GNA14: variants seen among roughly 807,000 people sequenced by gnomAD.
The protein encoded by GNA14 is G protein subunit alpha 14.
Under a neutral mutation model 42.0 loss-of-function variants are expected in GNA14, and 50 were observed. The ratio of observed to expected loss-of-function variants is 1.19; its 90% CI spans 0.95 to 1.51. The LOEUF (loss-of-function observed/expected upper bound fraction) is 1.51, where lower values mean the gene tolerates loss of function less well. GNA14 is among the 40% of genes most tolerant of loss of function. The pLI is 0.00. For synonymous variants in GNA14, 173 were observed against 163.1 expected (o/e 1.06, Z -0.46); for missense variants, 473 against 446.2 (o/e 1.06, Z -0.54).
chr9:77,607,141 G>C (rs900034699), intron 1 of GNA14, among the ~76,000 whole-genome samples: 3 of 152,260 alleles, frequency 2.0e-5, no homozygotes, highest in Non-Finnish European at 2.9e-5. Context: ...CTTCTTATCT[G>C]TAAAATAATG....
At chr9:77,489,188 A>T (rs1012735937) in intron 2 of GNA14, among the ~76,000 whole-genome samples, 3 of 152,142 alleles carry the variant, frequency 2.0e-5, no homozygotes, top group Admixed American at 2.0e-4. Flanking sequence ...GGAAAGAATG[A>T]ATGAGCCCAA....
At chr9:77,535,118 C>T (rs753863488) in intron 1 of GNA14, among the ~76,000 whole-genome samples, 1 of 152,210 alleles carries the variant, frequency 6.6e-6, no homozygotes, top group Non-Finnish European at 1.5e-5. Context: ...GCCCAGAGGA[C>T]GGTGCCAGGC....
In GNA14 at chr9:77,558,229, C is replaced by G. The variant is rs75468398; in HGVS notation, c.125-28976G>C. Among the ~76,000 whole-genome samples the G allele has an allele frequency of 1.2e-4, 19 of 152,060 alleles. No individual in the cohort carries two copies. The East Asian group carries it at 3.3e-3, about 26-fold the overall frequency. ...CTTAACAAAGAAGCATTTGGAGGTG[C>G]CTTGCCATGAAATCTGCACTTTCAC... On this transcript the variant is annotated intron_variant, in intron 1 of 6. Coordinates refer to ENST00000341700, the MANE Select transcript of GNA14 (RefSeq NM_004297.4).
In GNA14 at chr9:77,648,152, G is replaced by T. The variant is rs929908037; in HGVS notation, c.-359C>A. 5.9e-5 allele frequency: 19 copies of T among 323,458 alleles called. No individual in the cohort carries two copies. The highest frequency in any genetic ancestry group is 2.3e-5 in the Non-Finnish European group (4 of 175,318). The allele number at this position is 323,458 out of a possible 1,614,324, so 20.0% of individuals were successfully genotyped here. A position where few individuals can be genotyped will look rare whatever the true frequency, so the allele number is the denominator to read the frequency against. On this transcript the variant is annotated 5_prime_UTR_variant, in exon 1 of 7. Transcript: ENST00000341700. The stretch of plus-strand genomic sequence containing the variant: ...CACAGGAGCCGGACAGCAGTCGGGG[G>T]CGCAGACGAGTTGGAACGTCGGTGC...
intron 2 of GNA14, among the ~76,000 whole-genome samples, chr9:77,527,644 G>C (rs559601359): frequency 6.6e-6 from 1 of 152,048 alleles, no homozygotes; most frequent in Non-Finnish European, 1.5e-5. Context: ...GTTTTGTTTT[G>C]TTTTTTGAGA....
chr9:77,581,029 C>T (rs1266148735), intron 1 of GNA14, among the ~76,000 whole-genome samples: 1 of 151,486 alleles, frequency 6.6e-6, no homozygotes, highest in East Asian at 1.9e-4. Context: ...CACACACACA[C>T]ACACACACAA....
chr9:77,490,627 T>G (rs1445221571), intron 2 of GNA14, among the ~76,000 whole-genome samples: 3 of 152,156 alleles, frequency 2.0e-5, no homozygotes, highest in Admixed American at 2.0e-4. Flanking sequence ...CTGGCCTGGG[T>G]GCTAAGCCCC....
chr9:77,462,036 G>C (rs529222277), intron 2 of GNA14, among the ~76,000 whole-genome samples: 16 of 152,312 alleles, frequency 1.1e-4, no homozygotes, highest in African/African-American at 3.6e-4. Context: ...GGTTGCTACT[G>C]AGGGCTTTTA....
At chr9:77,475,737 C>T (rs1359160408) in intron 2 of GNA14, among the ~76,000 whole-genome samples, 1 of 152,202 alleles carries the variant, frequency 6.6e-6, no homozygotes, top group Non-Finnish European at 1.5e-5. Context: ...GGGGACCGGA[C>T]ATGCATTCTT....
intron 1 of GNA14, among the ~76,000 whole-genome samples, chr9:77,583,338 T>TA (rs904603763): frequency 3.3e-5 from 5 of 152,178 alleles, no homozygotes; most frequent in African/African-American, 1.2e-4. Flanking sequence ...AAAAGGCAGA[T>TA]AAATAGCAAG....
At chr9:77,597,845 T>C (rs1823491223) in intron 1 of GNA14, among the ~76,000 whole-genome samples, 1 of 151,882 alleles carries the variant, frequency 6.6e-6, no homozygotes, top group Admixed American at 6.6e-5. Flanking sequence ...CGAGATCACT[T>C]GAGGTCAGGA....
At chr9:77,585,556 C>G (rs889875220) in intron 1 of GNA14, among the ~76,000 whole-genome samples, 2 of 152,178 alleles carry the variant, frequency 1.3e-5, no homozygotes, top group Non-Finnish European at 2.9e-5. Context: ...GTGACCATTT[C>G]TCTGACCATT....
Position 77,648,003 on chromosome 9 carries a change from T to C in GNA14, c.-210A>G. 5.2e-6 allele frequency: 3 copies of C among 572,974 alleles called. No homozygotes were observed. Among genetic ancestry groups the C allele is most frequent in the Non-Finnish European group, 9.0e-6 (3 of 334,720 alleles). The allele number at this position is 572,974 out of a possible 1,614,324, so 35.5% of individuals were successfully genotyped here. A position where few individuals can be genotyped will look rare whatever the true frequency, so the allele number is the denominator to read the frequency against. On this transcript the variant is annotated 5_prime_UTR_variant, in exon 1 of 7. Coordinates refer to ENST00000341700, the MANE Select transcript of GNA14 (RefSeq NM_004297.4). ...CTGAGGCGGGGTGAATGCCGAGCGC[T>C]GGGAACGCTCGAGTGCACCCCGGAT...
intron 1 of GNA14, among the ~76,000 whole-genome samples, chr9:77,620,848 C>CAAAAAAA (rs35141766): frequency 1.4e-5 from 1 of 74,044 alleles, no homozygotes; most frequent in African/African-American, 4.8e-5. Context: ...AATCTTGTCT[C>CAAAAAAA]AAAAAAAAAA....
At chr9:77,477,218 G>C (rs1007422214) in intron 2 of GNA14, among the ~76,000 whole-genome samples, 2 of 152,100 alleles carry the variant, frequency 1.3e-5, no homozygotes, top group Non-Finnish European at 2.9e-5. Flanking sequence ...TTAGCCGGGT[G>C]TGCTGGCGTG....
intron 1 of GNA14, among the ~76,000 whole-genome samples, chr9:77,577,724 G>A (rs1823150624): frequency 6.6e-6 from 1 of 152,164 alleles, no homozygotes; most frequent in African/African-American, 2.4e-5. Context: ...GGGCTCTGTA[G>A]AATCGAGAAG....
rs114757488 is a variant in GNA14, at chr9:77,553,444, C to T, written c.125-24191G>A. ...CCCAGGTGAGTCAATGATTTATATG[C>T]AAAAAACTTCAATGATCAGTTTTTT... On this transcript the variant is annotated intron_variant, in intron 1 of 6. Transcript: ENST00000341700. Among the ~76,000 whole-genome samples the T allele has an allele frequency of 3.0e-3, 458 of 151,044 alleles. 1 individual carries two copies. The highest frequency in any genetic ancestry group is 0.01 in the African/African-American group (431 of 41,074).
At chr9:77,451,568 C>T (rs774175458) in intron 2 of GNA14, among the ~76,000 whole-genome samples, 1 of 151,964 alleles carries the variant, frequency 6.6e-6, no homozygotes, top group Non-Finnish European at 1.5e-5. Flanking sequence ...CTGTGAATCA[C>T]ACATCCTCAA....
At chr9:77,479,786 C>T (rs1836508247) in intron 2 of GNA14, among the ~76,000 whole-genome samples, 1 of 151,972 alleles carries the variant, frequency 6.6e-6, no homozygotes, top group Admixed American at 6.6e-5. Flanking sequence ...AGTTGGATTC[C>T]TAGGTATTTT....
Sources: gnomAD v4.1 joint callset for allele counts (sites outside exome capture counted in the v4.1 genomes callset) on GRCh38, gnomAD v4.1.1 for gene constraint, MANE v1.5 for transcripts, NCBI Gene and HGNC (gene_info 2026-07-23, HGNC 2026-07-21) for gene names.